AHI1: variants seen among roughly 807,000 people sequenced by gnomAD.
AHI1 encodes the protein jouberin.
AHI1 carries 123 observed loss-of-function variants against 149.3 expected under a neutral mutation model. The observed-to-expected ratio is 0.82, with a 90% confidence interval of 0.71 to 0.96. The LOEUF is 0.96. Ranked by LOEUF, AHI1 falls within the 40% of genes least tolerant of loss-of-function variation. AHI1 has a pLI of 0.00. For synonymous variants in AHI1, 475 were observed against 459.8 expected (o/e 1.03, Z -0.42); for missense variants, 1,439 against 1,422.7 (o/e 1.01, Z -0.18).
intron 15 of AHI1, among the ~76,000 whole-genome samples, chr6:135,435,512 T>C (rs968149993): frequency 1.3e-5 from 2 of 152,094 alleles, no homozygotes; most frequent in African/African-American, 4.8e-5. Context: ...GGCAGGAAGA[T>C]GCCAAAGAAG....
At chr6:135,484,036 C>T (rs1295579996) in intron 5 of AHI1, among the ~76,000 whole-genome samples, 1 of 151,704 alleles carries the variant, frequency 6.6e-6, no homozygotes, top group Non-Finnish European at 1.5e-5. Context: ...GCTGTGGCCT[C>T]ACAATCATGG....
rs969512606 is a variant in AHI1, at chr6:135,370,964, T to C, written c.3110-12777A>G. On this transcript the variant is annotated intron_variant, in intron 23 of 28. Transcript: ENST00000265602. ...TACATTTATTATTTATCCAAATAAA[T>C]TTATGTCTAAACCTCTCTCCAACCA... Among the ~76,000 whole-genome samples the C allele has an allele frequency of 2.0e-5, 3 of 152,164 alleles. No individual in the cohort carries two copies. In the South Asian group the frequency reaches 6.2e-4, roughly 31 times the overall value.
chr6:135,416,071 C>T (rs1048279408), intron 20 of AHI1, among the ~76,000 whole-genome samples: 2 of 151,842 alleles, frequency 1.3e-5, no homozygotes, highest in African/African-American at 4.8e-5. Flanking sequence ...CAATAGTCTC[C>T]CAGGTTTATA....
chr6:135,460,286 A>G (rs1183784818), intron 8 of AHI1, among the ~76,000 whole-genome samples: 1 of 152,238 alleles, frequency 6.6e-6, no homozygotes, highest in Non-Finnish European at 1.5e-5. Flanking sequence ...TGTACCAGCA[A>G]CAAATACAAA....
At chr6:135,437,210 T>C (rs1278244613) in intron 15 of AHI1, among the ~76,000 whole-genome samples, 3 of 152,328 alleles carry the variant, frequency 2.0e-5, no homozygotes, top group East Asian at 1.9e-4. Flanking sequence ...AGAATGTTCA[T>C]GGTAAGTTTG....
chr6:135,468,418 A>G (rs542858156), intron 5 of AHI1, among the ~76,000 whole-genome samples: 145 of 152,270 alleles, frequency 9.5e-4, no homozygotes, highest in African/African-American at 3.4e-3. Flanking sequence ...CAAAAAATCA[A>G]TGAGGCTGGG....
At chr6:135,396,211 C>T (rs1024208449) in intron 22 of AHI1, among the ~76,000 whole-genome samples, 2 of 151,692 alleles carry the variant, frequency 1.3e-5, no homozygotes, top group African/African-American at 4.8e-5. Flanking sequence ...AATACCACAT[C>T]AGTCCTAAAA....
intron 24 of AHI1, among the ~76,000 whole-genome samples, chr6:135,324,412 CTG>C (rs1221289337): frequency 2.0e-5 from 3 of 151,812 alleles, no homozygotes; most frequent in African/African-American, 7.3e-5. Flanking sequence ...ATCTGATACA[CTG>C]TATAAAGTAG....
At chr6:135,348,213 T>C (rs1260122969) in intron 24 of AHI1, among the ~76,000 whole-genome samples, 1 of 152,212 alleles carries the variant, frequency 6.6e-6, no homozygotes, top group Non-Finnish European at 1.5e-5. Flanking sequence ...AGATGGTAGA[T>C]GTCCATCTAG....
At chr6:135,393,522 G>A (rs376281726) in intron 23 of AHI1, among the ~76,000 whole-genome samples, 128 of 152,064 alleles carry the variant, frequency 8.4e-4, no homozygotes, top group African/African-American at 2.8e-3. Flanking sequence ...TATTTAGGGC[G>A]AAAAGAATAA....
chr6:135,359,152 T>C lies in AHI1; in HGVS notation c.3110-965A>G, dbSNP rs1335053942. Among the ~76,000 whole-genome samples, 3 of 152,240 alleles carry C rather than the reference T, an allele frequency of 2.0e-5. No individual in the cohort carries two copies. In the East Asian group the frequency reaches 5.8e-4, roughly 29 times the overall value. Reference sequence around the variant, plus strand: ...TGAGATCAACACAAACAATCACTTTTTATCGCTTTGCAAGAGTATTTTCAA... The same window carrying C: ...TGAGATCAACACAAACAATCACTTTCTATCGCTTTGCAAGAGTATTTTCAA... On this transcript the variant is annotated intron_variant, in intron 23 of 28. Coordinates refer to ENST00000265602, the MANE Select transcript of AHI1 (RefSeq NM_001134831.2).
chr6:135,285,895 T>C (rs914292020), intron 28 of AHI1, among the ~76,000 whole-genome samples: 15 of 152,212 alleles, frequency 9.9e-5, no homozygotes, highest in Non-Finnish European at 2.2e-4. Flanking sequence ...CATTGACAGG[T>C]TAATGTAAGC....
chr6:135,368,231 G>A (rs1019760879), intron 23 of AHI1, among the ~76,000 whole-genome samples: 3 of 152,064 alleles, frequency 2.0e-5, no homozygotes, highest in African/African-American at 4.8e-5. Flanking sequence ...CAGCCCCTGC[G>A]CTGGTGGAGG....
intron 26 of AHI1, among the ~76,000 whole-genome samples, chr6:135,303,865 G>A (rs1411336745): frequency 8.5e-5 from 13 of 152,172 alleles, no homozygotes; most frequent in Non-Finnish European, 1.5e-4. Context: ...ATAGGGCTCT[G>A]TAAATGACAG....
chr6:135,385,522 C>G (rs907030117), intron 23 of AHI1, among the ~76,000 whole-genome samples: 1 of 152,166 alleles, frequency 6.6e-6, no homozygotes, highest in African/African-American at 2.4e-5. Context: ...GAAAAGGTCA[C>G]TTTTGAGCTT....
intron 22 of AHI1, among the ~76,000 whole-genome samples, chr6:135,404,538 C>G (rs1287539473): frequency 6.6e-6 from 1 of 152,254 alleles, no homozygotes; most frequent in East Asian, 1.9e-4. Context: ...TGAAGGAGAG[C>G]ATTATCAGTA....
chr6:135,384,397 A>G lies in AHI1; in HGVS notation c.3109+10379T>C, dbSNP rs1777281589. On this transcript the variant is annotated intron_variant, in intron 23 of 28. Coordinates refer to ENST00000265602, the MANE Select transcript of AHI1 (RefSeq NM_001134831.2). ...ACATTTTCCTGTCCTCTATTTTCAAATGACAAGTCTCTGAAATGAAATAAT... is the reference window on the plus strand; with the variant it reads ...ACATTTTCCTGTCCTCTATTTTCAAGTGACAAGTCTCTGAAATGAAATAAT... 2.6e-5 allele frequency among the ~76,000 whole-genome samples: 4 copies of G among 152,332 alleles called. No homozygotes were observed. In the South Asian group the frequency reaches 8.3e-4, roughly 32 times the overall value.
Position 135,448,573 on chromosome 6 carries a change from TATGGC to T in AHI1, c.1441-103_1441-99del, listed in dbSNP as rs530314039. On this transcript the variant is annotated intron_variant, in intron 11 of 28. Coordinates refer to ENST00000265602, the MANE Select transcript of AHI1 (RefSeq NM_001134831.2). ...GTCAGAAACATTTTTAAAAGATTAATATGGCATGCTGAAATTTCTTAGTTTTAAAA... is the reference window on the plus strand; with the variant it reads ...GTCAGAAACATTTTTAAAAGATTAATATGCTGAAATTTCTTAGTTTTAAAA... 454 of 931,076 alleles carry T rather than the reference TATGGC, an allele frequency of 4.9e-4. 1 individual carries two copies. The African/African-American group carries it at 6.9e-3, about 14-fold the overall frequency. 57.7% of individuals were successfully genotyped at this position (931,076 alleles called of 1,614,324 possible).
chr6:135,438,930 A>G (rs1490268377), intron 14 of AHI1, among the ~76,000 whole-genome samples: 4 of 152,216 alleles, frequency 2.6e-5, no homozygotes, highest in Admixed American at 2.0e-4. Context: ...CTATTGTCAA[A>G]AGTAAATTTT....
Sources: allele counts gnomAD v4.1 joint callset (sites outside exome capture counted in the v4.1 genomes callset), GRCh38; gene constraint gnomAD v4.1.1; transcripts MANE v1.5; gene names NCBI Gene and HGNC (gene_info 2026-07-23, HGNC 2026-07-21).